The following TMEM114 variants were observed in gnomAD, a reference collection of about 807,000 sequenced individuals.
The protein encoded by TMEM114 is transmembrane protein 114.
Under a neutral mutation model 6.2 loss-of-function variants are expected in TMEM114, and 6 were observed. That is an observed-to-expected ratio of 0.97 (90% CI 0.53 to 1.91). The LOEUF is 1.91. Ranked by LOEUF, TMEM114 falls within the 40% of genes most tolerant of loss-of-function variation. The pLI, the probability that TMEM114 is intolerant of heterozygous loss-of-function variation, is 0.01. For missense variants in TMEM114, 218 were observed against 158.3 expected (o/e 1.38, Z -2.02); for synonymous variants, 104 against 73.0 (o/e 1.42, Z -2.16).
chr16:8,564,114 T>A (rs907889146), intron 2 of TMEM114, among the ~76,000 whole-genome samples: 5 of 150,680 alleles, frequency 3.3e-5, no homozygotes, highest in Admixed American at 2.6e-4. Context: ...AGGAAATAAG[T>A]AAGTGAATGA....
intron 2 of TMEM114, among the ~76,000 whole-genome samples, chr16:8,557,537 A>G (rs1400678483): frequency 2.0e-5 from 3 of 152,200 alleles, no homozygotes; most frequent in Non-Finnish European, 4.4e-5. Context: ...AGAGACCACA[A>G]GCAATATACA....
intron 2 of TMEM114, among the ~76,000 whole-genome samples, chr16:8,583,430 G>A (rs1902218625): frequency 6.6e-6 from 1 of 152,108 alleles, no homozygotes; most frequent in Admixed American, 6.6e-5. Context: ...GCCCATTTGT[G>A]GATGCAGGTG....
At chr16:8,526,935 C>T in the TMEM114 span, among the ~76,000 whole-genome samples, 121 of 152,264 alleles carry the variant, frequency 7.9e-4, no homozygotes, top group African/African-American at 2.7e-3. Flanking sequence ...AGGTGGGGCA[C>T]GGTGGCTCGT....
At chr16:8,534,222 C>T (rs74007829), downstream of TMEM114, among the ~76,000 whole-genome samples, 1,648 of 152,186 alleles carry the variant, frequency 0.011, 32 homozygotes, top group African/African-American at 0.037. Context: ...AAGGATGTGC[C>T]GGACAAAACT....
At chr16:8,581,430 C>T (rs1902144428) in intron 2 of TMEM114, among the ~76,000 whole-genome samples, 1 of 152,180 alleles carries the variant, frequency 6.6e-6, no homozygotes, top group Non-Finnish European at 1.5e-5. Flanking sequence ...TTTTAGAAGA[C>T]TCACATGGCC....
intron 2 of TMEM114, among the ~76,000 whole-genome samples, chr16:8,581,913 G>T (rs766395361): frequency 1.3e-5 from 2 of 152,184 alleles, no homozygotes; most frequent in Non-Finnish European, 2.9e-5. Context: ...CTGCAGCACA[G>T]CTATGCATAA....
the TMEM114 span, among the ~76,000 whole-genome samples, chr16:8,528,802 C>G: frequency 0.56 from 85,235 of 152,170 alleles, 24,007 homozygotes; most frequent in South Asian, 0.62. Flanking sequence ...GGCCATCACT[C>G]ACTGAGCACG....
At chr16:8,564,347 G>C (rs1215780446) in intron 2 of TMEM114, among the ~76,000 whole-genome samples, 2 of 150,126 alleles carry the variant, frequency 1.3e-5, no homozygotes, top group African/African-American at 2.5e-5. Context: ...GTCAGTGAGA[G>C]AATGAGTCAG....
chr16:8,543,295 C>T (rs1045406436), intron 2 of TMEM114, among the ~76,000 whole-genome samples: 14 of 152,142 alleles, frequency 9.2e-5, no homozygotes, highest in Admixed American at 7.2e-4. Flanking sequence ...ATTATTTTAT[C>T]GTTCCCCCTT....
At chr16:8,569,433 G>A (rs1443320933), downstream of TMEM114, 6 of 1,134,572 alleles carry the variant, frequency 5.3e-6, no homozygotes, top group East Asian at 1.7e-4. Flanking sequence ...CTGATCCAAG[G>A]GACATGGGTG....
At chr16:8,539,469 C>T (rs560318181) in intron 2 of TMEM114, among the ~76,000 whole-genome samples, 2 of 152,308 alleles carry the variant, frequency 1.3e-5, no homozygotes, top group African/African-American at 4.8e-5. Flanking sequence ...GCTCTGCCTC[C>T]TGCAAGCAGC....
intron 2 of TMEM114, among the ~76,000 whole-genome samples, chr16:8,546,866 C>T (rs1900683974): frequency 6.6e-6 from 1 of 152,188 alleles, no homozygotes; most frequent in Non-Finnish European, 1.5e-5. Flanking sequence ...CTGGCTGACT[C>T]CCTTGCTATG....
At chr16:8,538,376 T>C (rs1160532986) in intron 2 of TMEM114, among the ~76,000 whole-genome samples, 1 of 152,022 alleles carries the variant, frequency 6.6e-6, no homozygotes, top group African/African-American at 2.4e-5. Flanking sequence ...GATAAGCCAG[T>C]GGGCAGATAG....
At chr16:8,562,774 GAGTGAGTGAATGAGTA>G (rs1210424245) in intron 2 of TMEM114, among the ~76,000 whole-genome samples, 753 of 151,046 alleles carry the variant, frequency 5.0e-3, no homozygotes, top group African/African-American at 0.017. Context: ...GGGAGGGAAT[GAGTGAGTGAATGAGTA>G]AGTGAGTGAA....
At chr16:8,550,405 G>A (rs545946542) in intron 2 of TMEM114, among the ~76,000 whole-genome samples, 21 of 152,100 alleles carry the variant, frequency 1.4e-4, no homozygotes, top group Admixed American at 4.6e-4. Flanking sequence ...TCCTGGCCGG[G>A]TGCGGTGGCT....
chr16:8,545,265 C>T (rs771682757), intron 2 of TMEM114, among the ~76,000 whole-genome samples: 4 of 152,014 alleles, frequency 2.6e-5, no homozygotes, highest in African/African-American at 4.8e-5. Context: ...TAGCAAGAGC[C>T]CTTATCTACA....
At position 8,554,013 on chromosome 16, in the gene TMEM114, G is replaced by T. The variant is rs185316437; in HGVS notation, n.213-16187C>A. The stretch of plus-strand genomic sequence containing the variant: ...CATGTGTCAGCCGCCTGAATAGCTG[G>T]GATTACAGGCATGCGCCACCACACC... On this transcript the variant is annotated intron_variant and non_coding_transcript_variant, in intron 2 of 2. Coordinates refer to the TMEM114 transcript ENST00000623677. Among the ~76,000 whole-genome samples, 22 of 152,130 alleles carry T rather than the reference G, an allele frequency of 1.4e-4. No individual in the cohort carries two copies. In the East Asian group the frequency reaches 2.9e-3, roughly 20 times the overall value.
At position 8,569,941 on chromosome 16, in the gene TMEM114, C is replaced by G; in HGVS notation, c.504G>C (p.Ala168=). Residue 168 remains alanine, a synonymous_variant, in exon 4 of 4, where the codon GCG becomes GCC. Transcript: ENST00000620492. The part of the protein sequence containing the change: ...IAYSAAAFRE[A]LCLLEEKALL... ...GGGCCTTCTCCTCCAAGAGACACAG[C>G]GCCTCCCGGAAGGCGGCGGCTGAAT... 2 of 1,551,104 alleles carry G rather than the reference C, an allele frequency of 1.3e-6. No homozygotes were observed. The highest frequency in any genetic ancestry group is 1.7e-6 in the Non-Finnish European group (2 of 1,146,966).
intron 2 of TMEM114, among the ~76,000 whole-genome samples, chr16:8,578,231 A>G (rs147339318): frequency 2.0e-4 from 31 of 152,312 alleles, no homozygotes; most frequent in African/African-American, 7.2e-4. Context: ...TCCAAGCAAC[A>G]GGAATTTAGT....
Sources: gnomAD v4.1 joint callset for allele counts (sites outside exome capture counted in the v4.1 genomes callset) on GRCh38, gnomAD v4.1.1 for gene constraint, MANE v1.5 for transcripts, NCBI Gene and HGNC (gene_info 2026-07-23, HGNC 2026-07-21) for gene names.